The following LYRM4 variants were observed in gnomAD, a reference collection of about 807,000 sequenced individuals.
The protein encoded by LYRM4 is LYR motif containing 4, also known as LYR motif-containing protein 4.
Under a neutral mutation model 11.7 loss-of-function variants are expected in LYRM4, and 9 were observed. The ratio of observed to expected loss-of-function variants is 0.77; its 90% CI spans 0.46 to 1.34. The LOEUF is 1.34. Among genes scored for constraint, LYRM4 ranks in the 40% most tolerant of loss-of-function variants. The pLI is 0.00. For synonymous variants in LYRM4, 42 were observed against 40.4 expected (o/e 1.04, Z -0.15); for missense variants, 133 against 112.5 (o/e 1.18, Z -0.82).
At chr6:5,154,662 C>T (rs938957290) in intron 2 of LYRM4, among the ~76,000 whole-genome samples, 2 of 151,996 alleles carry the variant, frequency 1.3e-5, no homozygotes. Flanking sequence ...TAAAAACACA[C>T]AAAAGAATTA....
intron 1 of LYRM4, among the ~76,000 whole-genome samples, chr6:5,231,372 G>A (rs190939195): frequency 2.2e-4 from 33 of 152,260 alleles, no homozygotes; most frequent in African/African-American, 6.0e-4. Flanking sequence ...TGGGCTTCCC[G>A]AGTGTCCTGG....
At chr6:5,101,425 T>G (rs1762495131), downstream of LYRM4, among the ~76,000 whole-genome samples, 1 of 152,232 alleles carries the variant, frequency 6.6e-6, no homozygotes, top group Non-Finnish European at 1.5e-5. Flanking sequence ...GTGAAAGAAC[T>G]TTGTGTTACG....
chr6:5,185,457 C>A (rs1760333735), intron 2 of LYRM4, among the ~76,000 whole-genome samples: 1 of 152,152 alleles, frequency 6.6e-6, no homozygotes, highest in East Asian at 1.9e-4. Context: ...TCAAATAGCT[C>A]TGAGTTGAGA....
intron 2 of LYRM4, among the ~76,000 whole-genome samples, chr6:5,211,942 T>A (rs954234557): frequency 2.6e-5 from 4 of 152,214 alleles, no homozygotes; most frequent in Non-Finnish European, 5.9e-5. Flanking sequence ...CTGTTTCCCA[T>A]TCCCAACACT....
intron 2 of LYRM4, among the ~76,000 whole-genome samples, chr6:5,118,094 A>ATATATATATATATTT: frequency 0.011 from 956 of 86,098 alleles, 10 homozygotes; most frequent in Middle Eastern, 0.021. Context: ...ATATATATAT[A>ATATATATATATATTT]TTTTTGTTTT....
At chr6:5,090,670 C>T in the LYRM4 span, among the ~76,000 whole-genome samples, 1 of 152,180 alleles carries the variant, frequency 6.6e-6, no homozygotes, top group Non-Finnish European at 1.5e-5. The surrounding 1 kb of genome is among the most constrained non-coding windows in gnomAD (Gnocchi z 4.8). Context: ...TTTCTTCTGC[C>T]TTGACCGAGG....
intron 2 of LYRM4, among the ~76,000 whole-genome samples, chr6:5,208,661 C>T (rs1481376364): frequency 6.6e-6 from 1 of 152,186 alleles, no homozygotes; most frequent in Non-Finnish European, 1.5e-5. Flanking sequence ...CAATCTCCAA[C>T]CAAATGAGAG....
At chr6:5,137,132 T>C (rs1166362133) in intron 2 of LYRM4, among the ~76,000 whole-genome samples, 1 of 152,214 alleles carries the variant, frequency 6.6e-6, no homozygotes, top group African/African-American at 2.4e-5. Context: ...TAGCATAATG[T>C]TCTCAAGGGC....
chr6:5,067,886 A>G, the LYRM4 span, among the ~76,000 whole-genome samples: 5 of 152,232 alleles, frequency 3.3e-5, no homozygotes, highest in African/African-American at 1.2e-4. Flanking sequence ...GATTACGTAT[A>G]TAGTGTGATG....
intron 2 of LYRM4, among the ~76,000 whole-genome samples, chr6:5,118,116 T>TTTTTTTTTG (rs1763229425): frequency 1.0e-5 from 1 of 96,742 alleles, no homozygotes; most frequent in Admixed American, 1.0e-4. Context: ...TTTTGTTTTG[T>TTTTTTTTTG]TTTTTTTTTT....
chr6:5,245,517 C>T (rs1764157663), intron 1 of LYRM4, among the ~76,000 whole-genome samples: 2 of 152,014 alleles, frequency 1.3e-5, no homozygotes, highest in South Asian at 4.1e-4. Flanking sequence ...ATGTTATAGC[C>T]AGGACTTTGC....
the LYRM4 span, chr6:5,034,753 C>CTTTTTTTTTTTTTTTTTTTTTTT: frequency 7.5e-5 from 7 of 93,852 alleles, no homozygotes; most frequent in African/African-American, 3.5e-4. Flanking sequence ...TACAGCAATG[C>CTTTTTTTTTTTTTTTTTTTTTTT]TTTTTTTTTT....
intron 1 of LYRM4, 125 bp downstream of exon 1, chr6:5,260,523 C>T: frequency 7.5e-7 from 1 of 1,327,456 alleles, no homozygotes; most frequent in Non-Finnish European, 1.0e-6. Flanking sequence ...GAGCCCGGTC[C>T]TTGCCTCGCA....
At chr6:5,161,607 T>C (rs373366416) in intron 2 of LYRM4, among the ~76,000 whole-genome samples, 2 of 152,238 alleles carry the variant, frequency 1.3e-5, no homozygotes, top group Non-Finnish European at 2.9e-5. Flanking sequence ...GTATGAAATA[T>C]GTAAATATCT....
At chr6:5,192,124 G>GA (rs1760790141) in intron 2 of LYRM4, among the ~76,000 whole-genome samples, 1 of 152,196 alleles carries the variant, frequency 6.6e-6, no homozygotes, top group Non-Finnish European at 1.5e-5. Flanking sequence ...GAGTACATCA[G>GA]AAAAGGCAGT....
chr6:5,239,971 G>A (rs1763781169), intron 1 of LYRM4, among the ~76,000 whole-genome samples: 1 of 152,212 alleles, frequency 6.6e-6, no homozygotes, highest in Non-Finnish European at 1.5e-5. Context: ...CCCCGGCAGG[G>A]ATGCTCATGC....
intron 2 of LYRM4, among the ~76,000 whole-genome samples, chr6:5,186,405 G>C (rs1302563399): frequency 1.3e-5 from 2 of 152,078 alleles, no homozygotes; most frequent in African/African-American, 4.8e-5. Flanking sequence ...GGGAATTGAG[G>C]GTGTTCTGGC....
the LYRM4 span, chr6:5,042,805 A>T: frequency 6.6e-6 from 1 of 152,458 alleles, no homozygotes. Context: ...TAGGAACTCT[A>T]TTGTGTTTCC....
rs369587607 is a variant in LYRM4 at position 5,152,761 on chromosome 6, C to T, written c.208-43270G>A. ...CTGCGTGTTTCTGGGGAAAGCCTTC[C>T]TCTTGGGCCTCCTCTGTTGTTGGCT... On this transcript the variant is annotated intron_variant, in intron 2 of 2. Coordinates refer to ENST00000330636, the MANE Select transcript of LYRM4 (RefSeq NM_020408.6). Among the ~76,000 whole-genome samples, 35 of 152,324 alleles carry T rather than the reference C, an allele frequency of 2.3e-4. 1 individual carries two copies. The highest frequency in any genetic ancestry group is 3.4e-3 in the Middle Eastern group (1 of 294).
Sources: gnomAD v4.1 joint callset for allele counts (sites outside exome capture counted in the v4.1 genomes callset) on GRCh38, gnomAD v4.1.1 for gene constraint, Gnocchi (gnomAD v3.1) non-coding constraint, MANE v1.5 for transcripts, NCBI Gene and HGNC (gene_info 2026-07-23, HGNC 2026-07-21) for gene names.